CTC1: variants seen among roughly 807,000 people sequenced by gnomAD.
CTC1 encodes CST telomere replication complex component 1.
CTC1 carries 91 observed loss-of-function variants against 136.3 expected under a neutral mutation model. That is an observed-to-expected ratio of 0.67 (90% CI 0.56 to 0.79). The LOEUF is 0.79. Among genes scored for constraint, CTC1 ranks in the 30% least tolerant of loss-of-function variants. The pLI, the probability that CTC1 is intolerant of heterozygous loss-of-function variation, is 0.00. For synonymous variants in CTC1, 606 were observed against 613.8 expected (o/e 0.99, Z 0.19); for missense variants, 1,432 against 1,498.1 (o/e 0.96, Z 0.73).
chr17:8,229,358 C>CA lies in CTC1; in HGVS notation c.3099dup (p.Val1034CysfsTer56), dbSNP rs1597374251. 1 of 1,614,208 alleles carries CA rather than the reference C, an allele frequency of 6.2e-7. No homozygotes were observed. Among genetic ancestry groups the CA allele is most frequent in the Non-Finnish European group, 8.5e-7 (1 of 1,180,044 alleles). On this transcript the variant is annotated frameshift_variant, in exon 19 of 23. Transcript: ENST00000651323. LOFTEE classifies it high-confidence loss of function. ...ACCCAGAAGAGCTGAAGGCTGAAGA[C>CA]AGAGACGATATGGCAAGAGGCAGTG...
chr17:8,246,519 T>C (rs1436721663), intron 1 of CTC1, among the ~76,000 whole-genome samples: 1 of 152,148 alleles, frequency 6.6e-6, no homozygotes, highest in African/African-American at 2.4e-5. Context: ...ACTTAGCAAA[T>C]AGTACCCTTA....
rs771224545 is a variant in CTC1 at position 8,234,507 on chromosome 17, C to A, written c.1766G>T (p.Arg589Leu). The A allele has an allele frequency of 1.9e-5, 30 of 1,554,670 alleles. No homozygotes were observed. Among genetic ancestry groups the A allele is most frequent in the East Asian group, 2.4e-5 (1 of 41,260 alleles). ...CAGACAGAGCCAGGACCAAGCCAGG[C>A]GGCGATTGAGTTGGCAGCTGGGCAG... ...SYLPSCQLNR[R>L]LAWSWLCLLP... Residue 589 changes from arginine (R) to leucine (L), a missense_variant, in exon 10 of 23, where the codon CGC becomes CTC. By Grantham distance (102) the Arg-to-Leu change is moderately radical (BLOSUM62 -2). Transcript: ENST00000651323.
chr17:8,239,523 ATT>A (rs74266356), intron 2 of CTC1, among the ~76,000 whole-genome samples: 27 of 140,712 alleles, frequency 1.9e-4, no homozygotes, highest in East Asian at 4.1e-4. Context: ...ATTCCCCTGA[ATT>A]TTTTTTTTTT....
At chr17:8,245,798 G>A (rs1988631019) in intron 1 of CTC1, among the ~76,000 whole-genome samples, 1 of 152,092 alleles carries the variant, frequency 6.6e-6, no homozygotes, top group African/African-American at 2.4e-5. Context: ...TGGGCATGGT[G>A]GCTCGTGCCT....
chr17:8,244,666 C>T (rs927774819), intron 1 of CTC1, among the ~76,000 whole-genome samples: 3 of 152,102 alleles, frequency 2.0e-5, no homozygotes, highest in African/African-American at 7.2e-5. Flanking sequence ...GCTGGGATTA[C>T]AGGCATCCAC....
intron 2 of CTC1, among the ~76,000 whole-genome samples, chr17:8,241,113 ACC>A (rs1988179624): frequency 6.6e-6 from 1 of 151,314 alleles, no homozygotes; most frequent in Non-Finnish European, 1.5e-5. Context: ...ACATGGTAAA[ACC>A]CCATCTCTGC....
chr17:8,238,674 C>T (rs1369359091), intron 2 of CTC1, 45 bp from the exon 3 acceptor site: 15 of 1,415,476 alleles, frequency 1.1e-5, no homozygotes, highest in Non-Finnish European at 1.4e-5. Context: ...CAGGTCCAAG[C>T]CTACTAAGGC....
At position 8,230,609 on chromosome 17, in the gene CTC1, T is replaced by C. The variant is rs1597376076; in HGVS notation, c.2712A>G (p.Ser904=). 1 of 1,613,984 alleles carries C rather than the reference T, an allele frequency of 6.2e-7. No individual in the cohort carries two copies. Among genetic ancestry groups the C allele is most frequent in the African/African-American group, 1.3e-5 (1 of 74,882 alleles). ...SLVSFSAEIL[S]RTLCEPLVAS... The stretch of plus-strand genomic sequence containing the variant: ...CCACAAGGGGTTCACATAGTGTCCG[T>C]GACAAAATCTCAGCGGAGAAAGACA... Residue 904 remains serine, a synonymous_variant, in exon 16 of 23, where the codon TCA becomes TCG. Transcript: ENST00000651323.
intron 5 of CTC1, among the ~76,000 whole-genome samples, 172 bp from the exon 6 acceptor site, chr17:8,236,514 CA>C (rs139599005): frequency 0.02 from 3,019 of 152,328 alleles, 42 homozygotes; most frequent in Middle Eastern, 0.065. Context: ...TCCTCTCTCA[CA>C]GGAGATGCCA....
At chr17:8,235,550 G>T (rs1033303924) in intron 7 of CTC1, among the ~76,000 whole-genome samples, 1 of 152,092 alleles carries the variant, frequency 6.6e-6, no homozygotes, top group Non-Finnish European at 1.5e-5. Context: ...GGTCGCCTGA[G>T]ATCACCCCAG....
Position 8,233,004 on chromosome 17 carries a change from G to A in CTC1, c.1847C>T (p.Ser616Phe). ...QVLLGVLVASSHKGCLQLRDQ... is the reference protein window; with the variant it reads ...QVLLGVLVASFHKGCLQLRDQ... ...CCGAAGTTGCAGACAACCTTTATGAGATGAAGCCACCAGAACCCCAAGTAA... is the reference window on the plus strand; with the variant it reads ...CCGAAGTTGCAGACAACCTTTATGAAATGAAGCCACCAGAACCCCAAGTAA... The change falls in exon 11 of 23, where the codon TCT becomes TTT. Residue 616 changes from serine (S) to phenylalanine (F), a missense_variant. Coordinates refer to ENST00000651323, the MANE Select transcript of CTC1 (RefSeq NM_025099.6). 6.2e-7 allele frequency: 1 copy of A among 1,614,150 alleles called. No individual in the cohort carries two copies. The highest frequency in any genetic ancestry group is 1.7e-4 in the Middle Eastern group (1 of 6,060).
In CTC1 at chr17:8,232,310, G is replaced by A. The variant is rs1201236872; in HGVS notation, c.2060+51C>T. 3.8e-6 allele frequency: 6 copies of A among 1,585,784 alleles called. No individual in the cohort carries two copies. In the South Asian group the frequency reaches 5.6e-5, roughly 15 times the overall value. ...CCCCAGCATCCCACTCCTTCCACCA[G>A]GCCCTTCCTTCCCCCCAGACTCAAG... On this transcript the variant is annotated intron_variant, in intron 12 of 22. Coordinates refer to ENST00000651323, the MANE Select transcript of CTC1 (RefSeq NM_025099.6).
Position 8,228,088 on chromosome 17 carries a change from G to T in CTC1, c.*92C>A. 4 of 1,277,218 alleles carry T rather than the reference G, an allele frequency of 3.1e-6. No homozygotes were observed. The highest frequency in any genetic ancestry group is 4.5e-6 in the Non-Finnish European group (4 of 895,588). 79.1% of individuals were successfully genotyped at this position (1,277,218 alleles called of 1,614,324 possible). ...GCAGTTTGTGAATCTGGAGTCCTTGGTTCAATCACAGAACAAGTAGGGAGA... is the reference window on the plus strand; with the variant it reads ...GCAGTTTGTGAATCTGGAGTCCTTGTTTCAATCACAGAACAAGTAGGGAGA... On this transcript the variant is annotated 3_prime_UTR_variant, in exon 23 of 23. Transcript: ENST00000651323.
chr17:8,234,426 C>G (rs908872337), intron 10 of CTC1, 29 bp downstream of exon 10: 34 of 1,546,378 alleles, frequency 2.2e-5, no homozygotes, highest in Non-Finnish European at 3.0e-5. Context: ...AAAGGGAAAT[C>G]ACCTGAGCCC....
chr17:8,232,620 C>T (rs955709746), intron 11 of CTC1, 145 bp from the exon 12 acceptor site: 1 of 699,036 alleles, frequency 1.4e-6, no homozygotes, highest in Non-Finnish European at 2.4e-6. Context: ...TGACCCCCAC[C>T]TTAGAGGGGT....
In CTC1 at chr17:8,226,596, A is replaced by C. The variant is rs536347719; in HGVS notation, c.*1584T>G. 2 of 152,060 alleles carry C rather than the reference A, an allele frequency of 1.3e-5. No individual in the cohort carries two copies. Among genetic ancestry groups the C allele is most frequent in the African/African-American group, 2.4e-5 (1 of 41,322 alleles). 9.4% of individuals were successfully genotyped at this position (152,060 alleles called of 1,614,324 possible). On this transcript the variant is annotated 3_prime_UTR_variant, in exon 23 of 23. Coordinates refer to ENST00000651323, the MANE Select transcript of CTC1 (RefSeq NM_025099.6). ...GAGAGAAATATGGTCAGTATGCTGA[A>C]GAAAAAAATATGACGTAGTCGGCAG...
chr17:8,243,497 C>G (rs1988445806), intron 1 of CTC1, among the ~76,000 whole-genome samples: 2 of 143,664 alleles, frequency 1.4e-5, no homozygotes, highest in Non-Finnish European at 1.5e-5. Context: ...CCAGCCTGGG[C>G]AACAAGAGGG....
intron 1 of CTC1, among the ~76,000 whole-genome samples, chr17:8,246,279 C>T (rs1988699486): frequency 6.8e-6 from 1 of 146,344 alleles, no homozygotes; most frequent in Admixed American, 6.8e-5. Context: ...AGTTTAAGAA[C>T]ACAATATGCT....
Position 8,230,600 on chromosome 17 carries a change from T to C in CTC1, c.2721A>G (p.Leu907=), listed in dbSNP as rs776568637. The C allele has an allele frequency of 1.2e-6, 2 of 1,614,122 alleles. No homozygotes were observed. Among genetic ancestry groups the C allele is most frequent in the Non-Finnish European group, 1.7e-6 (2 of 1,180,020 alleles). The part of the protein sequence containing the change: ...SFSAEILSRT[L]CEPLVASLWM... The stretch of plus-strand genomic sequence containing the variant: ...AGAGAGACGCCACAAGGGGTTCACA[T>C]AGTGTCCGTGACAAAATCTCAGCGG... The change falls in exon 16 of 23, where the codon CTA becomes CTG. Residue 907 remains leucine, a synonymous_variant. Coordinates refer to ENST00000651323, the MANE Select transcript of CTC1 (RefSeq NM_025099.6).
Sources: gnomAD v4.1 joint callset for allele counts (sites outside exome capture counted in the v4.1 genomes callset) on GRCh38, gnomAD v4.1.1 for gene constraint, MANE v1.5 for transcripts, NCBI Gene and HGNC (gene_info 2026-07-23, HGNC 2026-07-21) for gene names.